ITGAV: variants seen among roughly 807,000 people sequenced by gnomAD.
The protein encoded by ITGAV is integrin alpha-V.
A neutral mutation model predicts 143.8 loss-of-function variants in ITGAV; 76 were observed. The ratio of observed to expected loss-of-function variants is 0.53; its 90% CI spans 0.44 to 0.64. The LOEUF (loss-of-function observed/expected upper bound fraction) is 0.64, where lower values mean the gene tolerates loss of function less well. Among genes scored for constraint, ITGAV ranks in the 30% least tolerant of loss-of-function variants. ITGAV has a pLI of 0.00. For synonymous variants in ITGAV, 453 were observed against 446.7 expected (o/e 1.01, Z -0.18); for missense variants, 1,193 against 1,274.7 (o/e 0.94, Z 0.98).
chr2:186,602,201 T>TA (rs764999132), intron 2 of ITGAV, 50 bp downstream of exon 2: 1 of 1,552,482 alleles, frequency 6.4e-7, no homozygotes, highest in Non-Finnish European at 8.8e-7. Context: ...TTGATTTTTT[T>TA]TTTGCAATTG....
At chr2:186,667,572 AATTTT>A in intron 23 of ITGAV, 94 bp from the exon 24 acceptor site, 1 of 558,970 alleles carries the variant, frequency 1.8e-6, no homozygotes. Flanking sequence ...AATTAAATCT[AATTTT>A]ATTTATTTGA....
chr2:186,649,989 AT>A (rs1688379891), intron 14 of ITGAV, 104 bp downstream of exon 14: 1 of 747,592 alleles, frequency 1.3e-6, no homozygotes, highest in East Asian at 2.8e-5. Flanking sequence ...TCTTGAAATA[AT>A]GATAAAATTT....
chr2:186,674,269 C>G (rs1689145692), intron 26 of ITGAV, among the ~76,000 whole-genome samples: 1 of 152,166 alleles, frequency 6.6e-6, no homozygotes, highest in African/African-American at 2.4e-5. Context: ...AGCCACTGCT[C>G]TTGACCTCAG....
chr2:186,673,343 A>G (rs895378099), intron 26 of ITGAV, among the ~76,000 whole-genome samples: 3 of 152,226 alleles, frequency 2.0e-5, no homozygotes, highest in Admixed American at 2.0e-4. Flanking sequence ...AGGTTTTGAA[A>G]TAGGGAAATA....
intron 5 of ITGAV, among the ~76,000 whole-genome samples, chr2:186,631,691 T>G (rs144579430): frequency 1.2e-3 from 182 of 152,274 alleles, no homozygotes; most frequent in Admixed American, 3.1e-3. Flanking sequence ...ACAACTGAAA[T>G]TGAAATAATA....
chr2:186,619,844 T>G (rs1687473818), intron 2 of ITGAV, among the ~76,000 whole-genome samples: 1 of 151,922 alleles, frequency 6.6e-6, no homozygotes, highest in South Asian at 2.1e-4. Context: ...TACAAAAAAT[T>G]AGCTGGGCGT....
At chr2:186,668,186 A>ATATATGTATG (rs200201282) in intron 24 of ITGAV, among the ~76,000 whole-genome samples, 1 of 13,172 alleles carries the variant, frequency 7.6e-5, no homozygotes, top group African/African-American at 3.0e-4. Flanking sequence ...ACATACATAC[A>ATATATGTATG]TATATATATA....
chr2:186,622,504 C>T lies in ITGAV; in HGVS notation c.408+74C>T, dbSNP rs1687557335. On this transcript the variant is annotated intron_variant, in intron 3 of 29. Coordinates refer to ENST00000261023, the MANE Select transcript of ITGAV (RefSeq NM_002210.5). ...GGAGACACAGAAGGTTTTATATTTT[C>T]AGGCTGATAGTAAAATTCAGTATGC... is the stretch of plus-strand genomic sequence containing the variant. 4 of 996,098 alleles carry T rather than the reference C, an allele frequency of 4.0e-6. No homozygotes were observed. In the South Asian group the frequency reaches 5.3e-5, roughly 13 times the overall value. 61.7% of individuals were successfully genotyped at this position (996,098 alleles called of 1,614,324 possible). A position where few individuals can be genotyped will look rare whatever the true frequency, so the allele number is the denominator to read the frequency against.
At chr2:186,602,995 G>A (rs1050240751) in intron 2 of ITGAV, among the ~76,000 whole-genome samples, 2 of 151,986 alleles carry the variant, frequency 1.3e-5, no homozygotes, top group Non-Finnish European at 2.9e-5. Flanking sequence ...GATAACAGGA[G>A]AATTTTAGGG....
At position 186,677,435 on chromosome 2, in the gene ITGAV, T is replaced by C. The variant is rs968420102; in HGVS notation, c.*143T>C. 18 of 619,138 alleles carry C rather than the reference T, an allele frequency of 2.9e-5. No individual in the cohort carries two copies. Among genetic ancestry groups the C allele is most frequent in the Middle Eastern group, 3.2e-4 (1 of 3,154 alleles). The allele number at this position is 619,138 out of a possible 1,614,324, so 38.4% of individuals were successfully genotyped here. On this transcript the variant is annotated 3_prime_UTR_variant, in exon 30 of 30. Transcript: ENST00000261023. Reference sequence around the variant, plus strand: ...GGCATTAACCACAAAATGAGAATTATATTTGTCAACCTTCTCCTTATAAAT... The same window carrying C: ...GGCATTAACCACAAAATGAGAATTACATTTGTCAACCTTCTCCTTATAAAT...
At chr2:186,604,226 A>G (rs1310574016) in intron 2 of ITGAV, among the ~76,000 whole-genome samples, 1 of 152,070 alleles carries the variant, frequency 6.6e-6, no homozygotes, top group Admixed American at 6.6e-5. Context: ...TCTTACTTCT[A>G]TATATGTATG....
rs1688087290 is a variant in ITGAV at position 186,640,987 on chromosome 2, T to G, written c.956+20T>G. 6.4e-7 allele frequency: 1 copy of G among 1,567,594 alleles called. No homozygotes were observed. Among genetic ancestry groups the G allele is most frequent in the Admixed American group, 1.8e-5 (1 of 57,122 alleles). ...AGATGAGTAAGTTTAAAAAAAAATGTTTCCAGAAAGTTATCTTCTCATGTT... is the reference window on the plus strand; with the variant it reads ...AGATGAGTAAGTTTAAAAAAAAATGGTTCCAGAAAGTTATCTTCTCATGTT... On this transcript the variant is annotated intron_variant, in intron 11 of 29. Transcript: ENST00000261023.
chr2:186,651,073 A>G (rs1233430606), intron 14 of ITGAV, among the ~76,000 whole-genome samples: 2 of 152,150 alleles, frequency 1.3e-5, no homozygotes, highest in African/African-American at 2.4e-5. Flanking sequence ...AATTTCTTAT[A>G]TATCCCCAGT....
rs557854954 is a variant in ITGAV, at chr2:186,668,441, G to A, written c.2434-321G>A. The stretch of plus-strand genomic sequence containing the variant: ...GGGTTTCACCGACAGGTTTCACCAC[G>A]TTGGCCAGGCTGGACATGAACTCCT... On this transcript the variant is annotated intron_variant, in intron 24 of 29. Coordinates refer to ENST00000261023, the MANE Select transcript of ITGAV (RefSeq NM_002210.5). The A allele has an allele frequency of 2.3e-5, 6 of 266,220 alleles. No homozygotes were observed. The East Asian group carries it at 6.1e-4, about 27-fold the overall frequency. The allele number at this position is 266,220 out of a possible 1,614,324, so 16.5% of individuals were successfully genotyped here. A position where few individuals can be genotyped will look rare whatever the true frequency, so the allele number is the denominator to read the frequency against.
chr2:186,640,841 C>T, intron 10 of ITGAV, 74 bp from the exon 11 acceptor site: 2 of 1,169,342 alleles, frequency 1.7e-6, no homozygotes, highest in Admixed American at 2.2e-5. Context: ...CTATTTGGTA[C>T]ATATATTACA....
At chr2:186,656,690 CA>C (rs879301280) in intron 17 of ITGAV, among the ~76,000 whole-genome samples, 31 of 145,672 alleles carry the variant, frequency 2.1e-4, no homozygotes, top group South Asian at 6.5e-4. Flanking sequence ...CACCAGAGTC[CA>C]AAAAAAAAAT....
chr2:186,652,357 T>G (rs1475819496), intron 15 of ITGAV, among the ~76,000 whole-genome samples: 1 of 152,080 alleles, frequency 6.6e-6, no homozygotes, highest in Non-Finnish European at 1.5e-5. Flanking sequence ...ACCCAGCTAA[T>G]TTTTTAAATT....
In ITGAV at chr2:186,666,697, C is replaced by G; in HGVS notation, c.2167-7C>G. The stretch of plus-strand genomic sequence containing the variant: ...CTAGCATTACTATCTTTTCCTCTCT[C>G]CTTTAGCTCTTAGCTGGTCTTCGTT... On this transcript the variant is annotated splice_polypyrimidine_tract_variant and splice_region_variant and intron_variant, in intron 21 of 29. Transcript: ENST00000261023. The G allele has an allele frequency of 1.3e-6, 2 of 1,521,106 alleles. No homozygotes were observed. Among genetic ancestry groups the G allele is most frequent in the Non-Finnish European group, 1.8e-6 (2 of 1,133,376 alleles). 94.2% of individuals were successfully genotyped at this position (1,521,106 alleles called of 1,614,324 possible).
intron 12 of ITGAV, among the ~76,000 whole-genome samples, chr2:186,642,496 C>T (rs1688134036): frequency 6.6e-6 from 1 of 151,514 alleles, no homozygotes; most frequent in South Asian, 2.1e-4. Context: ...GGAAGATTAA[C>T]CGTAGTCATT....
Sources: allele counts gnomAD v4.1 joint callset (sites outside exome capture counted in the v4.1 genomes callset), GRCh38; gene constraint gnomAD v4.1.1; transcripts MANE v1.5; gene names NCBI Gene and HGNC (gene_info 2026-07-23, HGNC 2026-07-21).